Variants in LARGE1 observed in about 807,000 individuals in gnomAD.
LARGE1 encodes xylosyl- and glucuronyltransferase LARGE1.
A neutral mutation model predicts 87.6 loss-of-function variants in LARGE1; 43 were observed. The ratio of observed to expected loss-of-function variants is 0.49; its 90% CI spans 0.38 to 0.63. LARGE1 has a LOEUF of 0.63. Among genes scored for constraint, LARGE1 ranks in the 30% least tolerant of loss-of-function variants. The pLI, the probability that LARGE1 is intolerant of heterozygous loss-of-function variation, is 0.00. For missense variants in LARGE1, 802 were observed against 1,000.2 expected, an observed-to-expected ratio of 0.80 and a Z score of 2.67; for synonymous variants, 434 against 394.6, an observed-to-expected ratio of 1.10 and a Z score of -1.18.
In LARGE1 at chr22:33,314,804, G is replaced by A. The variant is rs561406263; in HGVS notation, c.1451+1281C>T. ...TTGAAGCGGAAGCCAGTCTGACAAG[G>A]TGGGAAGGGGCACCTGGAATGGCCA... On this transcript the variant is annotated intron_variant, in intron 11 of 14. Coordinates refer to ENST00000397394, the MANE Select transcript of LARGE1 (RefSeq NM_133642.5). Among the ~76,000 whole-genome samples, 57 of 152,328 alleles carry A rather than the reference G, an allele frequency of 3.7e-4. No individual in the cohort carries two copies. In the South Asian group the frequency reaches 0.012, roughly 32 times the overall value.
intron 1 of LARGE1, among the ~76,000 whole-genome samples, chr22:33,910,992 G>A (rs2146960140): frequency 6.6e-6 from 1 of 152,342 alleles, no homozygotes; most frequent in South Asian, 2.1e-4. Context: ...ATGGCTGTGG[G>A]CCTTGCACAA....
intron 6 of LARGE1, among the ~76,000 whole-genome samples, chr22:33,452,045 T>C (rs1053790854): frequency 6.6e-6 from 1 of 152,132 alleles, no homozygotes; most frequent in South Asian, 2.1e-4. Context: ...ATCTGTTCAT[T>C]CAGCTGTTTG....
chr22:33,452,586 A>T (rs930277540), intron 6 of LARGE1, among the ~76,000 whole-genome samples: 1 of 151,862 alleles, frequency 6.6e-6, no homozygotes, highest in African/African-American at 2.4e-5. Flanking sequence ...GCCTGGGGGG[A>T]CATCTGTTCC....
At chr22:33,612,907 A>T (rs2079481526) in intron 4 of LARGE1, among the ~76,000 whole-genome samples, 1 of 152,190 alleles carries the variant, frequency 6.6e-6, no homozygotes, top group Non-Finnish European at 1.5e-5. Context: ...AAACATTAGG[A>T]TGGGGCTTCC....
At chr22:33,383,236 C>T (rs548217128) in intron 8 of LARGE1, among the ~76,000 whole-genome samples, 9 of 152,194 alleles carry the variant, frequency 5.9e-5, no homozygotes, top group Admixed American at 2.6e-4. Flanking sequence ...TTTCCTAGGA[C>T]GTCAAAATGA....
At chr22:33,775,143 G>A (rs980923354) in intron 1 of LARGE1, among the ~76,000 whole-genome samples, 13 of 152,282 alleles carry the variant, frequency 8.5e-5, no homozygotes, top group Non-Finnish European at 1.6e-4. Flanking sequence ...CCATCTGTGC[G>A]ACTCCACTTA....
At chr22:33,081,316 T>C in the LARGE1 span, among the ~76,000 whole-genome samples, 1 of 152,122 alleles carries the variant, frequency 6.6e-6, no homozygotes, top group Non-Finnish European at 1.5e-5. Context: ...ACTGATACAA[T>C]AGAAAGTAAC....
At chr22:33,839,369 T>C (rs2063203130) in intron 1 of LARGE1, among the ~76,000 whole-genome samples, 1 of 152,198 alleles carries the variant, frequency 6.6e-6, no homozygotes, top group Non-Finnish European at 1.5e-5. Context: ...TCAGTCCCCA[T>C]GATCTAATTA....
At chr22:33,620,894 C>T (rs991505716) in intron 4 of LARGE1, among the ~76,000 whole-genome samples, 3 of 151,676 alleles carry the variant, frequency 2.0e-5, no homozygotes, top group African/African-American at 4.9e-5. Flanking sequence ...GGCCACTGCA[C>T]TCCAGCCTGG....
At chr22:33,333,816 C>T (rs745344388) in intron 10 of LARGE1, among the ~76,000 whole-genome samples, 2 of 152,202 alleles carry the variant, frequency 1.3e-5, no homozygotes, top group South Asian at 2.1e-4. Context: ...GGAGTAGATG[C>T]TCTGACAAAA....
chr22:33,635,243 T>C (rs1455042971), intron 3 of LARGE1, among the ~76,000 whole-genome samples: 8 of 152,136 alleles, frequency 5.3e-5, no homozygotes, highest in Non-Finnish European at 7.4e-5. Flanking sequence ...CGAGGCCCTT[T>C]ATTTTTGGTT....
intron 11 of LARGE1, among the ~76,000 whole-genome samples, chr22:33,203,099 CTCTG>C (rs754217732): frequency 0.014 from 1,821 of 128,974 alleles, 47 homozygotes; most frequent in Admixed American, 0.1. Flanking sequence ...CTCTCTCTCT[CTCTG>C]TGTGTGTGTG....
At chr22:33,185,959 C>T (rs1016502652) in intron 11 of LARGE1, among the ~76,000 whole-genome samples, 3 of 152,032 alleles carry the variant, frequency 2.0e-5, no homozygotes, top group Admixed American at 6.6e-5. Flanking sequence ...AGAATTTCTA[C>T]CTTATCAAAC....
chr22:33,455,267 G>A (rs1402847912), intron 6 of LARGE1, among the ~76,000 whole-genome samples: 1 of 152,212 alleles, frequency 6.6e-6, no homozygotes, highest in African/African-American at 2.4e-5. Context: ...ACTCTGGTAT[G>A]TCCACACACT....
At chr22:33,391,502 G>A (rs962061220) in intron 7 of LARGE1, among the ~76,000 whole-genome samples, 1 of 152,088 alleles carries the variant, frequency 6.6e-6, no homozygotes, top group South Asian at 2.1e-4. Context: ...ATATAAGTGA[G>A]AGACAGGAAG....
intron 9 of LARGE1, among the ~76,000 whole-genome samples, chr22:33,349,086 C>G (rs955312184): frequency 3.3e-5 from 5 of 152,114 alleles, no homozygotes; most frequent in African/African-American, 1.2e-4. Flanking sequence ...ACCTCTTTTT[C>G]TTTATAAATC....
At chr22:33,106,023 A>G in the LARGE1 span, 1 of 152,374 alleles carries the variant, frequency 6.6e-6, no homozygotes, top group South Asian at 2.1e-4. Context: ...TGTAAGCCAG[A>G]TGATGTCTGA....
intron 1 of LARGE1, among the ~76,000 whole-genome samples, chr22:33,854,671 T>C (rs2063705932): frequency 8.1e-6 from 1 of 123,326 alleles, no homozygotes; most frequent in African/African-American, 3.3e-5. Flanking sequence ...GTGTCTCCAG[T>C]TTATTTAAAA....
intron 6 of LARGE1, among the ~76,000 whole-genome samples, chr22:33,487,452 A>G (rs2069637150): frequency 6.6e-6 from 1 of 152,102 alleles, no homozygotes; most frequent in African/African-American, 2.4e-5. Context: ...CCTTCTCCCC[A>G]GTATCTACTC....
Sources: gnomAD v4.1 joint callset for allele counts (sites outside exome capture counted in the v4.1 genomes callset) on GRCh38, gnomAD v4.1.1 for gene constraint, MANE v1.5 for transcripts, NCBI Gene and HGNC (gene_info 2026-07-23, HGNC 2026-07-21) for gene names.